Variants in TMEM178A observed in about 807,000 individuals in gnomAD.
TMEM178A encodes transmembrane protein 178A, also known as transmembrane protein 178.
In TMEM178A, 12 loss-of-function variants were observed where a neutral mutation model predicts 29.1. The ratio of observed to expected loss-of-function variants is 0.41; its 90% confidence interval spans 0.26 to 0.67. The LOEUF (loss-of-function observed/expected upper bound fraction) is 0.67, where lower values mean the gene tolerates loss of function less well. Among genes scored for constraint, TMEM178A ranks in the 30% least tolerant of loss-of-function variants. TMEM178A has a pLI of 0.29. For missense variants in TMEM178A, 366 were observed against 419.1 expected, an observed-to-expected ratio of 0.87 and a Z score of 1.11; for synonymous variants, 210 against 187.2, an observed-to-expected ratio of 1.12 and a Z score of -0.99.
chr2:39,700,063 C>T (rs1371635571), intron 1 of TMEM178A, among the ~76,000 whole-genome samples: 1 of 152,130 alleles, frequency 6.6e-6, no homozygotes, highest in Non-Finnish European at 1.5e-5. Flanking sequence ...TTATTGCTTA[C>T]ATATGGTCTA....
intron 3 of TMEM178A, among the ~76,000 whole-genome samples, chr2:39,710,018 G>T (rs1572693799): frequency 6.6e-6 from 1 of 152,190 alleles, no homozygotes; most frequent in South Asian, 2.1e-4. Context: ...GGGCACAGAG[G>T]AGAGGCAGTA....
At chr2:39,733,084 G>C in the TMEM178A span, among the ~76,000 whole-genome samples, 1 of 152,158 alleles carries the variant, frequency 6.6e-6, no homozygotes, top group African/African-American at 2.4e-5. Context: ...GCTGAGGGTA[G>C]CTATTCCAGC....
chr2:39,702,976 C>A (rs1310768800), intron 1 of TMEM178A, among the ~76,000 whole-genome samples: 1 of 152,136 alleles, frequency 6.6e-6, no homozygotes, highest in Non-Finnish European at 1.5e-5. Context: ...GAAGATGATC[C>A]TGTAGGTACA....
intron 3 of TMEM178A, among the ~76,000 whole-genome samples, chr2:39,714,906 A>G (rs1025110546): frequency 5.3e-5 from 8 of 152,200 alleles, no homozygotes; most frequent in African/African-American, 1.9e-4. Flanking sequence ...TTCACTAGGA[A>G]GTTTTAATAA....
At chr2:39,707,310 A>G (rs1672078778) in intron 3 of TMEM178A, 124 bp downstream of exon 3, 5 of 1,241,098 alleles carry the variant, frequency 4.0e-6, no homozygotes, top group Non-Finnish European at 5.4e-6. Flanking sequence ...AGCAACCAGA[A>G]GGTCATTTTG....
At chr2:39,702,126 A>G (rs1166397327) in intron 1 of TMEM178A, among the ~76,000 whole-genome samples, 3 of 151,490 alleles carry the variant, frequency 2.0e-5, no homozygotes, top group Admixed American at 2.0e-4. Flanking sequence ...AAAACTGGGC[A>G]TTTGAAATAA....
chr2:39,723,160 A>T, the TMEM178A span, among the ~76,000 whole-genome samples: 1 of 152,212 alleles, frequency 6.6e-6, no homozygotes, highest in Non-Finnish European at 1.5e-5. Context: ...GTTGATTGTG[A>T]TGAACACATA....
At position 39,665,973 on chromosome 2, in the gene TMEM178A, C is replaced by T. The variant is rs906460447; in HGVS notation, c.-2C>T. ...CCGGCGGCTGCGGCGGGGCGGGAAG[C>T]CATGGAGCCGCGGGCGCTCGTCACG... On this transcript the variant is annotated 5_prime_UTR_variant, in exon 1 of 4. Coordinates refer to ENST00000281961, the MANE Select transcript of TMEM178A (RefSeq NM_152390.3). 7 of 1,360,822 alleles carry T rather than the reference C, an allele frequency of 5.1e-6. No individual in the cohort carries two copies. Among genetic ancestry groups the T allele is most frequent in the Non-Finnish European group, 5.7e-6 (6 of 1,058,538 alleles). The allele number at this position is 1,360,822 out of a possible 1,614,324, so 84.3% of individuals were successfully genotyped here.
At chr2:39,706,707 G>A (rs1558461720) in intron 2 of TMEM178A, among the ~76,000 whole-genome samples, 1 of 152,064 alleles carries the variant, frequency 6.6e-6, no homozygotes, top group Non-Finnish European at 1.5e-5. Flanking sequence ...GTTCTGTTAA[G>A]GCTAACAGAT....
intron 3 of TMEM178A, among the ~76,000 whole-genome samples, chr2:39,713,833 A>G (rs531353813): frequency 6.6e-6 from 1 of 152,240 alleles, no homozygotes; most frequent in Admixed American, 6.5e-5. Flanking sequence ...TAATCCAGCT[A>G]TAGTAAGAAT....
rs541866581 is a variant in TMEM178A, at chr2:39,692,215, G to A, written c.401-11866G>A. On this transcript the variant is annotated intron_variant, in intron 1 of 3. Coordinates refer to ENST00000281961, the MANE Select transcript of TMEM178A (RefSeq NM_152390.3). ...GCTGGTCAAGGAGTACAAAGTTTCAGCTATGCAAGATGCATAGATTCTGGA... is the reference window on the plus strand; with the variant it reads ...GCTGGTCAAGGAGTACAAAGTTTCAACTATGCAAGATGCATAGATTCTGGA... Among the ~76,000 whole-genome samples, 181 of 152,286 alleles carry A rather than the reference G, an allele frequency of 1.2e-3. 1 individual carries two copies. The highest frequency in any genetic ancestry group is 6.8e-3 in the Middle Eastern group (2 of 294).
At chr2:39,692,793 TCA>T (rs1671379227) in intron 1 of TMEM178A, among the ~76,000 whole-genome samples, 1 of 152,198 alleles carries the variant, frequency 6.6e-6, no homozygotes, top group South Asian at 2.1e-4. Flanking sequence ...AAATATACGC[TCA>T]GAGTAGTCAA....
chr2:39,698,698 A>ATTT (rs397955246), intron 1 of TMEM178A, among the ~76,000 whole-genome samples: 2 of 146,232 alleles, frequency 1.4e-5, no homozygotes, highest in Non-Finnish European at 3.0e-5. Flanking sequence ...TTCATGCTCT[A>ATTT]TTTTTTTTTT....
chr2:39,704,266 C>T (rs1671930691), intron 2 of TMEM178A, 72 bp downstream of exon 2: 1 of 1,259,476 alleles, frequency 7.9e-7, no homozygotes, highest in Non-Finnish European at 1.1e-6. Context: ...ACCCCTCTCA[C>T]ATCTGGACAG....
the TMEM178A span, among the ~76,000 whole-genome samples, chr2:39,729,055 A>G: frequency 1.3e-5 from 2 of 152,194 alleles, no homozygotes; most frequent in African/African-American, 4.8e-5. Context: ...AATCAACAGA[A>G]TAACTCTAGG....
intron 1 of TMEM178A, among the ~76,000 whole-genome samples, chr2:39,700,189 G>A (rs1671721632): frequency 1.3e-5 from 2 of 152,196 alleles, no homozygotes; most frequent in South Asian, 4.1e-4. Context: ...CAAGTCTTCT[G>A]TTTTTTGTTG....
intron 3 of TMEM178A, among the ~76,000 whole-genome samples, chr2:39,711,131 A>C (rs528142243): frequency 1.3e-5 from 2 of 152,330 alleles, no homozygotes; most frequent in East Asian, 3.9e-4. Flanking sequence ...GGTTACACAC[A>C]CACAGGCACA....
chr2:39,669,515 A>G (rs2148051404), intron 1 of TMEM178A, among the ~76,000 whole-genome samples: 1 of 152,308 alleles, frequency 6.6e-6, no homozygotes, highest in African/African-American at 2.4e-5. Context: ...ATTTGGGAGA[A>G]TCATCAAGTT....
At chr2:39,724,255 AAATTATTAGATGAAAGTAATT>A in the TMEM178A span, among the ~76,000 whole-genome samples, 1 of 152,036 alleles carries the variant, frequency 6.6e-6, no homozygotes, top group Non-Finnish European at 1.5e-5. Flanking sequence ...GGCATTTTTT[AAATTATTAGATGAAAGTAATT>A]ATTTCAAAAA....
Sources: allele counts gnomAD v4.1 joint callset (sites outside exome capture counted in the v4.1 genomes callset), GRCh38; gene constraint gnomAD v4.1.1; transcripts MANE v1.5; gene names NCBI Gene and HGNC (gene_info 2026-07-23, HGNC 2026-07-21).